Variants in CEP170 observed in about 807,000 individuals in gnomAD.
The protein encoded by CEP170 is centrosomal protein 170, also known as centrosomal protein of 170 kDa.
Under a neutral mutation model 151.9 loss-of-function variants are expected in CEP170, and 21 were observed. That is an observed-to-expected ratio of 0.14 (90% CI 0.10 to 0.20). The LOEUF is 0.20. Among genes scored for constraint, CEP170 ranks in the 10% least tolerant of loss-of-function variants. The probability of loss-of-function intolerance (pLI) is 1.00; values close to 1 mark genes in which losing one functional copy is unlikely to be tolerated. For missense variants in CEP170, 964 were observed against 1,892.9 expected (o/e 0.51, Z 9.11); for synonymous variants, 356 against 648.8 (o/e 0.55, Z 6.86).
intron 1 of CEP170, among the ~76,000 whole-genome samples, chr1:243,250,482 G>A (rs1200732217): frequency 6.6e-6 from 1 of 152,180 alleles, no homozygotes; most frequent in African/African-American, 2.4e-5. Flanking sequence ...AAAAATGTTG[G>A]TTTATGTTGA....
At chr1:243,133,844 A>G (rs913267947) in intron 17 of CEP170, among the ~76,000 whole-genome samples, 25 of 152,354 alleles carry the variant, frequency 1.6e-4, no homozygotes, top group African/African-American at 5.8e-4. Context: ...TTACTTAATC[A>G]CTGAGTGTGA....
At position 243,225,263 on chromosome 1, in the gene CEP170, C is replaced by G; in HGVS notation, c.18G>C (p.Trp6Cys). ...GAGTGCCTCCACTGCTCACCAAAAA[C>G]CAGGATGTTAAGCTCATTTTCTGCT... MSLTS[W>C]FLVSSGGTRH... Residue 6 changes from tryptophan (W) to cysteine (C), a missense_variant, in exon 2 of 20, where the codon TGG (tryptophan) becomes TGC (cysteine). By Grantham distance (215) the Trp-to-Cys change is radical. Transcript: ENST00000366542. 1 of 1,593,032 alleles carries G rather than the reference C, an allele frequency of 6.3e-7. No individual in the cohort carries two copies.
At chr1:243,226,186 T>TATATAGGC (rs1254230644) in intron 1 of CEP170, among the ~76,000 whole-genome samples, 1 of 20,726 alleles carries the variant, frequency 4.8e-5, no homozygotes, top group African/African-American at 1.4e-4. Context: ...TATATCTAGA[T>TATATAGGC]ATATATATCT....
intron 8 of CEP170, among the ~76,000 whole-genome samples, chr1:243,187,214 A>G (rs1266091666): frequency 6.6e-6 from 1 of 152,198 alleles, no homozygotes; most frequent in African/African-American, 2.4e-5. Flanking sequence ...AGGTTAGAAT[A>G]TATCGGAATT....
At chr1:243,242,629 AACTTT>A (rs1473237314) in intron 1 of CEP170, among the ~76,000 whole-genome samples, 2 of 152,006 alleles carry the variant, frequency 1.3e-5, no homozygotes, top group African/African-American at 2.4e-5. Context: ...CCAAGTTCTA[AACTTT>A]ACTTTATTTA....
At chr1:243,211,739 A>G in intron 4 of CEP170, 147 bp downstream of exon 4, 1 of 898,214 alleles carries the variant, frequency 1.1e-6, no homozygotes, top group Non-Finnish European at 1.7e-6. Flanking sequence ...AACTAAAAAT[A>G]TATATGTATT....
intron 8 of CEP170, among the ~76,000 whole-genome samples, chr1:243,190,247 A>G (rs1170689517): frequency 1.3e-5 from 2 of 152,216 alleles, no homozygotes; most frequent in Non-Finnish European, 2.9e-5. Flanking sequence ...TTCCTTATAG[A>G]TAGCTTATTA....
At chr1:243,223,588 A>C (rs2062993533) in intron 2 of CEP170, among the ~76,000 whole-genome samples, 1 of 152,230 alleles carries the variant, frequency 6.6e-6, no homozygotes, top group Non-Finnish European at 1.5e-5. Context: ...GACGGTACAT[A>C]AACACCTACA....
At chr1:243,204,722 A>G (rs2061296111) in intron 4 of CEP170, among the ~76,000 whole-genome samples, 1 of 152,128 alleles carries the variant, frequency 6.6e-6, no homozygotes, top group Non-Finnish European at 1.5e-5. Flanking sequence ...ATCAATCTAT[A>G]TTCATTCCCT....
At chr1:243,177,559 T>C (rs2059334362) in intron 10 of CEP170, among the ~76,000 whole-genome samples, 1 of 152,226 alleles carries the variant, frequency 6.6e-6, no homozygotes, top group Non-Finnish European at 1.5e-5. Context: ...GCAGGGTCTC[T>C]GTTGGATCAA....
chr1:243,145,564 C>T (rs1470208257), intron 14 of CEP170, among the ~76,000 whole-genome samples: 4 of 152,228 alleles, frequency 2.6e-5, no homozygotes, highest in South Asian at 2.1e-4. Context: ...TGAGCCACTA[C>T]GCCCAGCCAA....
intron 3 of CEP170, among the ~76,000 whole-genome samples, chr1:243,212,456 AT>A (rs2061894084): frequency 6.6e-6 from 1 of 152,216 alleles, no homozygotes; most frequent in African/African-American, 2.4e-5. Flanking sequence ...CAGTTGTCAT[AT>A]GGGTCCTTTG....
intron 1 of CEP170, among the ~76,000 whole-genome samples, chr1:243,230,119 G>A (rs1286230933): frequency 6.6e-6 from 1 of 152,052 alleles, no homozygotes; most frequent in Non-Finnish European, 1.5e-5. Flanking sequence ...GGGAGGTGGA[G>A]GCAGGAGGAT....
intron 14 of CEP170, among the ~76,000 whole-genome samples, chr1:243,147,852 T>G (rs1321661556): frequency 2.0e-5 from 3 of 152,154 alleles, no homozygotes; most frequent in African/African-American, 7.2e-5. Context: ...TTTAAACTAT[T>G]CAGGGCCTAC....
intron 10 of CEP170, among the ~76,000 whole-genome samples, chr1:243,183,111 A>G (rs977127736): frequency 4.0e-5 from 6 of 151,896 alleles, no homozygotes; most frequent in South Asian, 2.1e-4. Context: ...TTGTCTGTGT[A>G]TATCTATTCC....
At chr1:243,200,872 C>T (rs1205265888) in intron 4 of CEP170, 37 bp from the exon 5 acceptor site, 1 of 1,582,792 alleles carries the variant, frequency 6.3e-7, no homozygotes, top group Admixed American at 2.0e-5. Flanking sequence ...CCTCAAATTT[C>T]TGATAATTGA....
rs2062912914 is a variant in CEP170 at position 243,222,588 on chromosome 1, AT to A, written c.106-776del. 2.2e-4 allele frequency among the ~76,000 whole-genome samples: 34 copies of A among 152,326 alleles called. No homozygotes were observed. In the South Asian group the frequency reaches 6.8e-3, roughly 31 times the overall value. ...ACCAGTGAATCTGAACTTGATCACCATGTATTACGGGGTTACTGTGTGAACC... is the reference window on the plus strand; with the variant it reads ...ACCAGTGAATCTGAACTTGATCACCAGTATTACGGGGTTACTGTGTGAACC... On this transcript the variant is annotated intron_variant, in intron 2 of 19. Coordinates refer to ENST00000366542, the MANE Select transcript of CEP170 (RefSeq NM_014812.3).
At chr1:243,229,457 G>T (rs2063545290) in intron 1 of CEP170, among the ~76,000 whole-genome samples, 1 of 152,114 alleles carries the variant, frequency 6.6e-6, no homozygotes, top group Non-Finnish European at 1.5e-5. Context: ...AGCATCTAAA[G>T]ATGCAATTGA....
At chr1:243,144,780 A>C (rs1194152829) in intron 14 of CEP170, among the ~76,000 whole-genome samples, 1 of 152,178 alleles carries the variant, frequency 6.6e-6, no homozygotes, top group Non-Finnish European at 1.5e-5. Flanking sequence ...TTGAAAACCT[A>C]ATAGATATTT....
Sources: gnomAD v4.1 joint callset for allele counts (sites outside exome capture counted in the v4.1 genomes callset) on GRCh38, gnomAD v4.1.1 for gene constraint, MANE v1.5 for transcripts, NCBI Gene and HGNC (gene_info 2026-07-23, HGNC 2026-07-21) for gene names.